Variants in CNNM2 observed in about 807,000 individuals in gnomAD.
The protein encoded by CNNM2 is metal transporter CNNM2.
A neutral mutation model predicts 66.9 loss-of-function variants in CNNM2; 12 were observed. The observed-to-expected ratio is 0.18, with a 90% CI of 0.11 to 0.29. The LOEUF is 0.29. CNNM2 is among the 10% of genes least tolerant of loss of function. The probability of loss-of-function intolerance (pLI) is 1.00; values close to 1 mark genes in which losing one functional copy is unlikely to be tolerated. For synonymous variants in CNNM2, 557 were observed against 501.8 expected (o/e 1.11, Z -1.47); for missense variants, 705 against 1,167.7 (o/e 0.60, Z 5.77).
intron 1 of CNNM2, among the ~76,000 whole-genome samples, chr10:103,034,972 C>CAAAAAAAAAAAAA (rs71019651): frequency 1.1e-3 from 76 of 71,092 alleles, no homozygotes; most frequent in African/African-American, 3.7e-3. Context: ...GACTCCGTCT[C>CAAAAAAAAAAAAA]AAAAAAAAAA....
At chr10:103,005,775 C>T (rs143098539) in intron 1 of CNNM2, among the ~76,000 whole-genome samples, 1 of 152,304 alleles carries the variant, frequency 6.6e-6, no homozygotes, top group Non-Finnish European at 1.5e-5. Flanking sequence ...TTCACCCAGG[C>T]TGGAGTGCAG....
intron 2 of CNNM2, among the ~76,000 whole-genome samples, chr10:103,053,782 G>A (rs1203237417): frequency 6.6e-6 from 1 of 152,164 alleles, no homozygotes; most frequent in Non-Finnish European, 1.5e-5. Context: ...TGGAGTAGCA[G>A]TGAAGCAAAC....
At chr10:103,007,822 GTACA>G (rs201100431) in intron 1 of CNNM2, among the ~76,000 whole-genome samples, 2 of 152,164 alleles carry the variant, frequency 1.3e-5, no homozygotes, top group East Asian at 3.8e-4. Context: ...CTGAGGTGAC[GTACA>G]TCCTCAGCTT....
chr10:102,991,873 G>C (rs962913214), intron 1 of CNNM2, among the ~76,000 whole-genome samples: 6 of 152,036 alleles, frequency 3.9e-5, no homozygotes, highest in Admixed American at 1.3e-4. Flanking sequence ...CTTAGTCTTG[G>C]TTATACTCTT....
At chr10:103,016,816 C>T (rs949054387) in intron 1 of CNNM2, among the ~76,000 whole-genome samples, 5 of 152,140 alleles carry the variant, frequency 3.3e-5, no homozygotes, top group Non-Finnish European at 7.4e-5. Flanking sequence ...CCCGTAGCCT[C>T]CTTTCCTGGG....
chr10:102,942,250 G>A (rs1846460117), intron 1 of CNNM2, among the ~76,000 whole-genome samples: 1 of 152,106 alleles, frequency 6.6e-6, no homozygotes, highest in Admixed American at 6.5e-5. Context: ...CATTCACATG[G>A]TGTGCCACCA....
chr10:103,032,338 C>G (rs542803230), intron 1 of CNNM2, among the ~76,000 whole-genome samples: 52 of 152,200 alleles, frequency 3.4e-4, no homozygotes, highest in Non-Finnish European at 5.6e-4. Flanking sequence ...GTAATTCCAG[C>G]TACTCAGGAG....
chr10:102,927,259 TAAACTC>T (rs933817067), intron 1 of CNNM2: 70 of 1,576,568 alleles, frequency 4.4e-5, no homozygotes, highest in Admixed American at 1.8e-5. Flanking sequence ...AGAGTACTAT[TAAACTC>T]AAACATGTGG....
intron 1 of CNNM2, among the ~76,000 whole-genome samples, chr10:102,928,933 T>A (rs182888179): frequency 1.3e-5 from 2 of 152,320 alleles, no homozygotes; most frequent in African/African-American, 2.4e-5. Context: ...TTAGCGTGTG[T>A]CCTTATAATT....
At chr10:102,999,772 T>C (rs1407625034) in intron 1 of CNNM2, among the ~76,000 whole-genome samples, 2 of 152,140 alleles carry the variant, frequency 1.3e-5, no homozygotes, top group African/African-American at 4.8e-5. Context: ...TGTTGGCCAA[T>C]AAGCACATGT....
intron 1 of CNNM2, among the ~76,000 whole-genome samples, chr10:102,929,216 T>C (rs956800777): frequency 5.3e-5 from 8 of 152,104 alleles, no homozygotes; most frequent in Admixed American, 3.3e-4. Flanking sequence ...GCCGAGATCA[T>C]GCCACTGTAC....
intron 1 of CNNM2, among the ~76,000 whole-genome samples, chr10:103,008,384 T>C (rs1490352165): frequency 1.3e-5 from 2 of 152,250 alleles, no homozygotes; most frequent in Non-Finnish European, 2.9e-5. Context: ...GCTTGTGTGA[T>C]GGCATGTGTT....
chr10:102,945,509 A>G (rs1479294156), intron 1 of CNNM2, among the ~76,000 whole-genome samples: 2 of 152,120 alleles, frequency 1.3e-5, no homozygotes, highest in Non-Finnish European at 2.9e-5. Context: ...TCATTTATTC[A>G]AAAGAGGCAG....
chr10:102,994,698 C>A (rs543693416), intron 1 of CNNM2, among the ~76,000 whole-genome samples: 22 of 152,368 alleles, frequency 1.4e-4, no homozygotes, highest in Admixed American at 1.1e-3. Flanking sequence ...GCTTTTGATC[C>A]ACAGTAAATA....
chr10:102,966,906 A>T (rs1207829029), intron 1 of CNNM2, among the ~76,000 whole-genome samples: 1 of 152,048 alleles, frequency 6.6e-6, no homozygotes, highest in Non-Finnish European at 1.5e-5. Flanking sequence ...TGAAGTTTCT[A>T]GGAGGAGGTA....
intron 1 of CNNM2, among the ~76,000 whole-genome samples, chr10:103,000,888 T>C (rs1405763540): frequency 6.6e-6 from 1 of 152,192 alleles, no homozygotes; most frequent in African/African-American, 2.4e-5. Context: ...CTGTACACCA[T>C]GTTTATAATA....
chr10:102,942,705 A>G (rs1846472745), intron 1 of CNNM2, among the ~76,000 whole-genome samples: 1 of 152,224 alleles, frequency 6.6e-6, no homozygotes. Context: ...TCATATAGTA[A>G]TTCTATTCTT....
At position 103,084,735 on chromosome 10, in the gene CNNM2, A is replaced by G. The variant is rs1213902101; in HGVS notation, c.*7555A>G. 4 of 152,174 alleles carry G rather than the reference A, an allele frequency of 2.6e-5. No individual in the cohort carries two copies. The highest frequency in any genetic ancestry group is 7.2e-5 in the African/African-American group (3 of 41,436). 9.4% of individuals were successfully genotyped at this position (152,174 alleles called of 1,614,324 possible). A position where few individuals can be genotyped will look rare whatever the true frequency, so the allele number is the denominator to read the frequency against. ...ATGCACCCGGGGTTTCTATTTCACA[A>G]AAATTGTGCTCCCTAGAGCCGTTTT... On this transcript the variant is annotated 3_prime_UTR_variant, in exon 8 of 8. Transcript: ENST00000369878.
At chr10:102,923,271 G>A (rs548082489) in intron 1 of CNNM2, among the ~76,000 whole-genome samples, 6 of 152,272 alleles carry the variant, frequency 3.9e-5, no homozygotes, top group Admixed American at 3.9e-4. Flanking sequence ...GTTTGATCAT[G>A]ATGATGGTGA....
Sources: allele counts gnomAD v4.1 joint callset (sites outside exome capture counted in the v4.1 genomes callset), GRCh38; gene constraint gnomAD v4.1.1; transcripts MANE v1.5; gene names NCBI Gene and HGNC (gene_info 2026-07-23, HGNC 2026-07-21).